Variants in NCOA3 observed in about 807,000 individuals in gnomAD.
NCOA3 encodes the protein CBP-interacting protein.
Under a neutral mutation model 158.8 loss-of-function variants are expected in NCOA3, and 51 were observed. That is an observed-to-expected ratio of 0.32 (90% CI 0.26 to 0.41). The LOEUF (loss-of-function observed/expected upper bound fraction) is 0.41. NCOA3 is among the 10% of genes least tolerant of loss of function. The pLI, the probability that NCOA3 is intolerant of heterozygous loss-of-function variation, is 1.00. For synonymous variants in NCOA3, 537 were observed against 592.4 expected (o/e 0.91, Z 1.36); for missense variants, 1,510 against 1,746.6 (o/e 0.86, Z 2.41).
At chr20:47,521,881 T>G (rs1369786465) in intron 1 of NCOA3, among the ~76,000 whole-genome samples, 7 of 152,180 alleles carry the variant, frequency 4.6e-5, no homozygotes, top group Non-Finnish European at 8.8e-5. Context: ...TTCTAGGCCC[T>G]TTGCATTTCC....
At chr20:47,526,843 A>T (rs574238777) in intron 1 of NCOA3, among the ~76,000 whole-genome samples, 1 of 152,098 alleles carries the variant, frequency 6.6e-6, no homozygotes, top group Non-Finnish European at 1.5e-5. Context: ...GGGCTTTACC[A>T]TGTTGGCTAG....
intron 1 of NCOA3, among the ~76,000 whole-genome samples, chr20:47,503,131 G>A (rs2083968207): frequency 6.6e-6 from 1 of 152,186 alleles, no homozygotes; most frequent in African/African-American, 2.4e-5. Flanking sequence ...ATGCGTGAGA[G>A]TGGTAGTAGT....
chr20:47,579,540 GT>G (rs2085420539), intron 1 of NCOA3, among the ~76,000 whole-genome samples: 1 of 152,200 alleles, frequency 6.6e-6, no homozygotes, highest in East Asian at 1.9e-4. Context: ...TTCCAGACAA[GT>G]TTAACTCACC....
intron 2 of NCOA3, among the ~76,000 whole-genome samples, chr20:47,586,484 C>G (rs1312494204): frequency 1.3e-5 from 2 of 152,048 alleles, no homozygotes; most frequent in Non-Finnish European, 2.9e-5. Flanking sequence ...GGGTCATTCT[C>G]TTATATAACC....
intron 1 of NCOA3, among the ~76,000 whole-genome samples, chr20:47,560,953 G>A (rs1280928465): frequency 1.4e-5 from 2 of 142,534 alleles, no homozygotes; most frequent in African/African-American, 5.2e-5. Context: ...CCAATATGTA[G>A]TCTTATCCCT....
intron 1 of NCOA3, among the ~76,000 whole-genome samples, chr20:47,539,776 T>C (rs750618501): frequency 6.6e-6 from 1 of 152,210 alleles, no homozygotes; most frequent in Non-Finnish European, 1.5e-5. Flanking sequence ...CCGCCTGCCT[T>C]GGCCCCCCAA....
At chr20:47,511,522 G>GAT (rs1569310799) in intron 1 of NCOA3, among the ~76,000 whole-genome samples, 4 of 7,100 alleles carry the variant, frequency 5.6e-4, no homozygotes, top group African/African-American at 8.8e-4. Flanking sequence ...TATCTCTCTC[G>GAT]AGATATATAT....
chr20:47,502,589 G>C (rs2083954272), intron 1 of NCOA3, among the ~76,000 whole-genome samples: 4 of 152,104 alleles, frequency 2.6e-5, no homozygotes, highest in South Asian at 2.1e-4. Context: ...GGCTCGGGTA[G>C]CTTCTTAGTT....
At chr20:47,532,080 G>GA (rs971011070) in intron 1 of NCOA3, among the ~76,000 whole-genome samples, 3 of 148,686 alleles carry the variant, frequency 2.0e-5, no homozygotes, top group African/African-American at 7.5e-5. Flanking sequence ...AAAGGTTACG[G>GA]AAAAAAAATA....
chr20:47,628,434 C>T lies in NCOA3; in HGVS notation c.823+411C>T, dbSNP rs1364280256. ...CTTTTTTTTTTTTTTTTTGTTGAGACGGAGTCTTGCTCTGTTGCCCAGGCT... is the reference window on the plus strand; with the variant it reads ...CTTTTTTTTTTTTTTTTTGTTGAGATGGAGTCTTGCTCTGTTGCCCAGGCT... On this transcript the variant is annotated intron_variant, in intron 8 of 22. Transcript: ENST00000371998. 1.4e-4 allele frequency: 20 copies of T among 145,278 alleles called. 1 individual carries two copies. The South Asian group carries it at 2.5e-3, about 18-fold the overall frequency. 9.0% of individuals were successfully genotyped at this position (145,278 alleles called of 1,614,324 possible). A position where few individuals can be genotyped will look rare whatever the true frequency, so the allele number is the denominator to read the frequency against.
intron 2 of NCOA3, among the ~76,000 whole-genome samples, chr20:47,600,505 T>G (rs1219800754): frequency 4.6e-5 from 4 of 86,508 alleles, no homozygotes; most frequent in East Asian, 3.4e-4. Context: ...CTTAAATGTG[T>G]TTTTTTTTTT....
chr20:47,596,054 G>C (rs1568712757), intron 2 of NCOA3, among the ~76,000 whole-genome samples: 1 of 152,130 alleles, frequency 6.6e-6, no homozygotes, highest in Non-Finnish European at 1.5e-5. Flanking sequence ...AGTATACTTT[G>C]AAGGCTATTC....
At chr20:47,527,747 A>G (rs990751875) in intron 1 of NCOA3, among the ~76,000 whole-genome samples, 1 of 152,176 alleles carries the variant, frequency 6.6e-6, no homozygotes, top group Non-Finnish European at 1.5e-5. Flanking sequence ...AGTATAGCCA[A>G]ATTTCAGTTT....
intron 17 of NCOA3, among the ~76,000 whole-genome samples, chr20:47,644,508 G>A (rs1043319807): frequency 2.6e-5 from 4 of 151,980 alleles, no homozygotes; most frequent in South Asian, 2.1e-4. Context: ...CTTGAGTCAC[G>A]TTCAAGCTTG....
rs1481802197 is a variant in NCOA3, at chr20:47,639,568, C to T, written c.2708-9C>T. On this transcript the variant is annotated splice_polypyrimidine_tract_variant and intron_variant, in intron 14 of 22. Coordinates refer to ENST00000371998, the MANE Select transcript of NCOA3 (RefSeq NM_181659.3). Reference sequence around the variant, plus strand: ...ATGGAAAAGACCTAAGTATGGCTACCTGTTTTAGGTGGGCCAAACCGAAAT... The same window carrying T: ...ATGGAAAAGACCTAAGTATGGCTACTTGTTTTAGGTGGGCCAAACCGAAAT... The T allele has an allele frequency of 1.1e-5, 17 of 1,612,566 alleles. No homozygotes were observed. Among genetic ancestry groups the T allele is most frequent in the Admixed American group, 1.7e-5 (1 of 59,886 alleles).
At chr20:47,552,396 A>G (rs370618727) in intron 1 of NCOA3, among the ~76,000 whole-genome samples, 3 of 152,340 alleles carry the variant, frequency 2.0e-5, no homozygotes, top group African/African-American at 7.2e-5. Context: ...ATATCTAAAC[A>G]TATTTCCCTC....
At chr20:47,598,808 G>A (rs1195978559) in intron 2 of NCOA3, among the ~76,000 whole-genome samples, 2 of 152,318 alleles carry the variant, frequency 1.3e-5, no homozygotes, top group Non-Finnish European at 2.9e-5. Context: ...ATACAGTGAA[G>A]TATTAGCCAG....
chr20:47,560,084 C>T (rs902826665), intron 1 of NCOA3, among the ~76,000 whole-genome samples: 7 of 152,150 alleles, frequency 4.6e-5, no homozygotes, highest in African/African-American at 1.7e-4. Context: ...CCACACCTGG[C>T]CTTAATTTTT....
At chr20:47,602,920 T>A (rs745355446) in intron 2 of NCOA3, among the ~76,000 whole-genome samples, 8 of 152,034 alleles carry the variant, frequency 5.3e-5, no homozygotes, top group Non-Finnish European at 8.8e-5. Context: ...AGTGAAGGGT[T>A]TTTTTTAGGC....
Sources: allele counts gnomAD v4.1 joint callset (sites outside exome capture counted in the v4.1 genomes callset), GRCh38; gene constraint gnomAD v4.1.1; transcripts MANE v1.5; gene names NCBI Gene and HGNC (gene_info 2026-07-23, HGNC 2026-07-21).